ATAD2B: variants seen among roughly 807,000 people sequenced by gnomAD.
ATAD2B encodes the protein ATPase family AAA domain-containing protein 2B.
Under a neutral mutation model 167.6 loss-of-function variants are expected in ATAD2B, and 40 were observed. The observed-to-expected ratio is 0.24, with a 90% CI of 0.19 to 0.31. The LOEUF is 0.31. Among genes scored for constraint, ATAD2B ranks in the 10% least tolerant of loss-of-function variants. The probability of loss-of-function intolerance (pLI) is 1.00; values close to 1 mark genes in which losing one functional copy is unlikely to be tolerated. For synonymous variants in ATAD2B, 579 were observed against 596.5 expected (o/e 0.97, Z 0.43); for missense variants, 1,242 against 1,757.2 (o/e 0.71, Z 5.24).
At chr2:23,919,966 C>T (rs1703667271) in intron 1 of ATAD2B, among the ~76,000 whole-genome samples, 1 of 152,082 alleles carries the variant, frequency 6.6e-6, no homozygotes, top group African/African-American at 2.4e-5. Flanking sequence ...GCCTGGCTAA[C>T]ATGGCAAAAC....
intron 4 of ATAD2B, among the ~76,000 whole-genome samples, chr2:23,886,463 T>C (rs1215342067): frequency 1.3e-5 from 2 of 152,180 alleles, no homozygotes; most frequent in Non-Finnish European, 2.9e-5. Context: ...ATCTTTTTAT[T>C]GAAGATGGTA....
chr2:23,854,702 C>T (rs942536043), intron 13 of ATAD2B, among the ~76,000 whole-genome samples: 1 of 151,606 alleles, frequency 6.6e-6, no homozygotes, highest in Non-Finnish European at 1.5e-5. Context: ...AAAGCTAACG[C>T]TATTAATATT....
At chr2:23,757,253 C>T (rs752880332) in intron 25 of ATAD2B, among the ~76,000 whole-genome samples, 165 bp downstream of exon 25, 5 of 152,104 alleles carry the variant, frequency 3.3e-5, no homozygotes, top group South Asian at 2.1e-4. Flanking sequence ...TGTGTGTGTA[C>T]GTGCACACAT....
At chr2:23,745,952 A>C (rs539645007), downstream of ATAD2B, among the ~76,000 whole-genome samples, 12 of 152,310 alleles carry the variant, frequency 7.9e-5, no homozygotes, top group Non-Finnish European at 1.8e-4. Context: ...ACAGATGTTG[A>C]CCTGTGATGA....
intron 10 of ATAD2B, among the ~76,000 whole-genome samples, chr2:23,866,608 T>C (rs1338736985): frequency 6.6e-6 from 1 of 152,136 alleles, no homozygotes; most frequent in Non-Finnish European, 1.5e-5. Context: ...GATCATTAGG[T>C]AAGGTCTTCT....
rs375316142 is a variant in ATAD2B at position 23,884,892 on chromosome 2, T to C, written c.676-19A>G. 121 of 1,447,488 alleles carry C rather than the reference T, an allele frequency of 8.4e-5. No individual in the cohort carries two copies. The African/African-American group carries it at 1.4e-3, about 16-fold the overall frequency. The allele number at this position is 1,447,488 out of a possible 1,614,324, so 89.7% of individuals were successfully genotyped here. A position where few individuals can be genotyped will look rare whatever the true frequency, so the allele number is the denominator to read the frequency against. On this transcript the variant is annotated intron_variant, in intron 5 of 27. Coordinates refer to ENST00000238789, the MANE Select transcript of ATAD2B (RefSeq NM_017552.4). The stretch of plus-strand genomic sequence containing the variant: ...TGTTTTCCTTTTAAAGAAAGAAATC[T>C]GTCAAATAGCAACATGACATTTATT...
intron 10 of ATAD2B, among the ~76,000 whole-genome samples, chr2:23,866,907 A>C (rs1695220421): frequency 6.6e-6 from 1 of 152,168 alleles, no homozygotes; most frequent in South Asian, 2.1e-4. Context: ...ATCCCCCAAA[A>C]TAAGATACTA....
At position 23,772,673 on chromosome 2, in the gene ATAD2B, G is replaced by A. The variant is rs550577882; in HGVS notation, c.3134-7045C>T. Among the ~76,000 whole-genome samples the A allele has an allele frequency of 4.0e-5, 6 of 151,666 alleles. No individual in the cohort carries two copies. The South Asian group carries it at 1.2e-3, about 32-fold the overall frequency. On this transcript the variant is annotated intron_variant, in intron 22 of 27. Coordinates refer to ENST00000238789, the MANE Select transcript of ATAD2B (RefSeq NM_017552.4). ...TCCATAAAAATTTCCCACTAGTATG[G>A]AAGACAAGGAATATATTCTTTTAAA...
intron 6 of ATAD2B, among the ~76,000 whole-genome samples, chr2:23,881,631 G>C (rs1235875261): frequency 6.6e-6 from 1 of 152,070 alleles, no homozygotes; most frequent in African/African-American, 2.4e-5. Flanking sequence ...AATGTGCTGG[G>C]ATTATAGGCG....
At chr2:23,717,189 G>A in the ATAD2B span, among the ~76,000 whole-genome samples, 1 of 152,166 alleles carries the variant, frequency 6.6e-6, no homozygotes, top group Non-Finnish European at 1.5e-5. Flanking sequence ...CGAGACTGTG[G>A]TACACCTGTG....
chr2:23,798,038 G>T, intron 19 of ATAD2B, 100 bp downstream of exon 19: 1 of 760,758 alleles, frequency 1.3e-6, no homozygotes, highest in Non-Finnish European at 2.0e-6. Flanking sequence ...ATAAACCCTG[G>T]CAGTATTAAT....
intron 21 of ATAD2B, 104 bp downstream of exon 21, chr2:23,785,922 AT>A: frequency 7.2e-6 from 7 of 970,856 alleles, no homozygotes; most frequent in Non-Finnish European, 1.0e-5. Flanking sequence ...GCTAGGGGTA[AT>A]ATTCATCCAT....
chr2:23,696,633 A>C, the ATAD2B span: 1 of 763,420 alleles, frequency 1.3e-6, no homozygotes, highest in East Asian at 2.8e-5. This position sits in a 1 kb window ranked among gnomAD's most constrained non-coding sequence, Gnocchi z 5.5. Context: ...TGGACCATTC[A>C]TATGGGCAGT....
chr2:23,841,093 T>C (rs1178053975), intron 13 of ATAD2B, among the ~76,000 whole-genome samples: 1 of 148,312 alleles, frequency 6.7e-6, no homozygotes, highest in Non-Finnish European at 1.5e-5. Context: ...CTATCATGCA[T>C]GGCTATTTTT....
chr2:23,708,778 A>G, the ATAD2B span, among the ~76,000 whole-genome samples: 74 of 152,344 alleles, frequency 4.9e-4, no homozygotes, highest in African/African-American at 1.7e-3. Context: ...TGAAAAGCCA[A>G]GAAGACAATT....
the ATAD2B span, among the ~76,000 whole-genome samples, chr2:23,698,185 A>C: frequency 6.6e-6 from 1 of 152,022 alleles, no homozygotes; most frequent in Non-Finnish European, 1.5e-5. Context: ...GCATGGGCAC[A>C]GTGTGAGCGA....
At chr2:23,845,947 T>C (rs1012865458) in intron 13 of ATAD2B, among the ~76,000 whole-genome samples, 4 of 117,780 alleles carry the variant, frequency 3.4e-5, no homozygotes, top group African/African-American at 1.4e-4. Context: ...TTGTACCACT[T>C]TGTTGAGGTA....
At chr2:23,696,600 C>T in the ATAD2B span, 2 of 1,086,306 alleles carry the variant, frequency 1.8e-6, no homozygotes, top group Non-Finnish European at 2.6e-6. The surrounding 1 kb of genome is among the most constrained non-coding windows in gnomAD (Gnocchi z 5.5). Flanking sequence ...CCAACACCCA[C>T]TCAGTGGCGA....
intron 1 of ATAD2B, among the ~76,000 whole-genome samples, chr2:23,906,084 C>G (rs1701443630): frequency 6.6e-6 from 1 of 152,060 alleles, no homozygotes; most frequent in African/African-American, 2.4e-5. Context: ...CACCTGTAAT[C>G]CCGATACTTT....
Sources: gnomAD v4.1 joint callset for allele counts (sites outside exome capture counted in the v4.1 genomes callset) on GRCh38, gnomAD v4.1.1 for gene constraint, Gnocchi (gnomAD v3.1) non-coding constraint, MANE v1.5 for transcripts, NCBI Gene and HGNC (gene_info 2026-07-23, HGNC 2026-07-21) for gene names.